Variants in THOC7 observed in about 807,000 individuals in gnomAD.
THOC7 encodes the protein THO complex subunit 7, also known as NIF3L1-binding protein 1.
THOC7 carries 22 observed loss-of-function variants against 33.1 expected under a neutral mutation model. That is an observed-to-expected ratio of 0.66 (90% CI 0.47 to 0.95). The LOEUF (loss-of-function observed/expected upper bound fraction) is 0.95. THOC7 is among the 40% of genes least tolerant of loss of function. The pLI, the probability that THOC7 is intolerant of heterozygous loss-of-function variation, is 0.00. For synonymous variants in THOC7, 77 were observed against 76.8 expected (o/e 1.00, Z -0.01); for missense variants, 184 against 245.3 (o/e 0.75, Z 1.67).
chr3:63,845,396 G>T (rs565850113), intron 1 of THOC7, among the ~76,000 whole-genome samples: 1 of 152,282 alleles, frequency 6.6e-6, no homozygotes, highest in East Asian at 1.9e-4. Context: ...AAAGGCTTGG[G>T]TCAAGCCCTG....
chr3:63,848,223 C>G (rs746533739), intron 1 of THOC7: 1 of 152,158 alleles, frequency 6.6e-6, no homozygotes, highest in Non-Finnish European at 1.5e-5. Flanking sequence ...GATTAAGAGT[C>G]TGGCACCTTT....
chr3:63,859,839 T>A (rs926148059), intron 1 of THOC7, among the ~76,000 whole-genome samples: 2 of 152,244 alleles, frequency 1.3e-5, no homozygotes, highest in Non-Finnish European at 2.9e-5. Flanking sequence ...ACCATGTTTA[T>A]AGAGGATTGT....
chr3:63,837,858 GA>G, intron 4 of THOC7, 117 bp downstream of exon 4: 1 of 805,062 alleles, frequency 1.2e-6, no homozygotes, highest in Non-Finnish European at 1.9e-6. Context: ...TTAAAATTTG[GA>G]TTTTTTTTAA....
At chr3:63,848,569 C>A (rs1378725807) in intron 1 of THOC7, 1 of 152,206 alleles carries the variant, frequency 6.6e-6, no homozygotes, top group Non-Finnish European at 1.5e-5. Flanking sequence ...ACCTTCGGCA[C>A]ATCTCAGGAC....
At chr3:63,850,635 G>C (rs536237411) in intron 1 of THOC7, among the ~76,000 whole-genome samples, 1 of 122,726 alleles carries the variant, frequency 8.1e-6, no homozygotes, top group South Asian at 2.6e-4. Context: ...CGCCCAGCCT[G>C]GAGTACAGTG....
chr3:63,863,814 C>T (rs1702309355), upstream of THOC7: 2 of 1,234,142 alleles, frequency 1.6e-6, no homozygotes, highest in African/African-American at 3.2e-5. Flanking sequence ...GCGGCGGCGG[C>T]GGCGGCGGCG....
chr3:63,853,824 C>T (rs980372870), intron 1 of THOC7, among the ~76,000 whole-genome samples: 1 of 151,088 alleles, frequency 6.6e-6, no homozygotes. Flanking sequence ...AGGAGAATGG[C>T]GTGAACCCGG....
chr3:63,847,614 G>A (rs1196231308), intron 1 of THOC7, among the ~76,000 whole-genome samples: 3 of 152,152 alleles, frequency 2.0e-5, no homozygotes, highest in Non-Finnish European at 4.4e-5. Flanking sequence ...TTGCGTGCCT[G>A]TAATCCCAGC....
At chr3:63,861,785 GTGTGTGTGT>G (rs1702221341) in intron 1 of THOC7, 1 of 113,244 alleles carries the variant, frequency 8.8e-6, no homozygotes, top group Admixed American at 1.1e-4. Flanking sequence ...GTGTGTATGT[GTGTGTGTGT>G]TTTTTTTTTT....
intron 1 of THOC7, among the ~76,000 whole-genome samples, chr3:63,849,891 A>G (rs1701985323): frequency 6.6e-6 from 1 of 152,156 alleles, no homozygotes; most frequent in Non-Finnish European, 1.5e-5. Flanking sequence ...CTATAAGCAA[A>G]AGCTGGACAA....
intron 1 of THOC7, among the ~76,000 whole-genome samples, chr3:63,843,868 T>C (rs1701825565): frequency 6.6e-6 from 1 of 151,500 alleles, no homozygotes; most frequent in Non-Finnish European, 1.5e-5. Flanking sequence ...GCCACTGCAC[T>C]CCAGCCTGGG....
intron 1 of THOC7, among the ~76,000 whole-genome samples, chr3:63,861,282 T>C (rs752404664): frequency 9.2e-5 from 14 of 152,202 alleles, no homozygotes; most frequent in Non-Finnish European, 1.3e-4. Flanking sequence ...CTTCTGTCCC[T>C]ATCTCCCATC....
Position 63,833,989 on chromosome 3 carries a change from A to C in THOC7, c.*143T>G. On this transcript the variant is annotated 3_prime_UTR_variant, in exon 8 of 8. Transcript: ENST00000295899. ...AAGTCATTTTCCTTTGTGAGAGGAA[A>C]TATGAATGAAATACATTCATACTTA... 1.4e-6 allele frequency: 1 copy of C among 706,024 alleles called. No individual in the cohort carries two copies. The highest frequency in any genetic ancestry group is 2.3e-6 in the Non-Finnish European group (1 of 443,402). 43.7% of individuals were successfully genotyped at this position (706,024 alleles called of 1,614,324 possible). A position where few individuals can be genotyped will look rare whatever the true frequency, so the allele number is the denominator to read the frequency against.
At chr3:63,849,328 C>A (rs113656328) in intron 1 of THOC7, among the ~76,000 whole-genome samples, 79 of 152,184 alleles carry the variant, frequency 5.2e-4, no homozygotes, top group African/African-American at 1.8e-3. Flanking sequence ...GCGGAGGTTG[C>A]AGCGGGCCAA....
chr3:63,834,790 C>G (rs1701594888), intron 7 of THOC7, among the ~76,000 whole-genome samples: 2 of 152,026 alleles, frequency 1.3e-5, no homozygotes, highest in South Asian at 4.2e-4. Context: ...CCAAAGCACC[C>G]ACTACTCAGT....
intron 5 of THOC7, 41 bp from the exon 6 acceptor site, chr3:63,835,431 G>A (rs1275056063): frequency 3.2e-6 from 5 of 1,585,308 alleles, no homozygotes; most frequent in African/African-American, 2.7e-5. Context: ...CTGAATGGGG[G>A]AGAAGAGTTT....
At chr3:63,847,608 G>A (rs940919280) in intron 1 of THOC7, among the ~76,000 whole-genome samples, 3 of 152,086 alleles carry the variant, frequency 2.0e-5, no homozygotes, top group Admixed American at 1.3e-4. Flanking sequence ...GTGGGGTTGC[G>A]TGCCTGTAAT....
upstream of THOC7, chr3:63,863,876 C>G: frequency 2.5e-6 from 3 of 1,190,438 alleles, no homozygotes; most frequent in Non-Finnish European, 3.1e-6. Flanking sequence ...CACAATGCAG[C>G]CGGGTAAACA....
chr3:63,836,206 A>G, intron 5 of THOC7, 95 bp downstream of exon 5: 3 of 1,170,736 alleles, frequency 2.6e-6, no homozygotes, highest in Non-Finnish European at 3.7e-6. Flanking sequence ...TCCTTTTGAA[A>G]CATATTTATT....
Sources: allele counts gnomAD v4.1 joint callset (sites outside exome capture counted in the v4.1 genomes callset), GRCh38; gene constraint gnomAD v4.1.1; transcripts MANE v1.5; gene names NCBI Gene and HGNC (gene_info 2026-07-23, HGNC 2026-07-21).